LHFPL3: variants seen among roughly 807,000 people sequenced by gnomAD.
LHFPL3 encodes the protein LHFPL tetraspan subfamily member 3 protein.
In LHFPL3, 5 loss-of-function variants were observed where a neutral mutation model predicts 19.3. The ratio of observed to expected loss-of-function variants is 0.26; its 90% CI spans 0.14 to 0.54. The LOEUF is 0.54. Ranked by LOEUF, LHFPL3 falls within the 20% of genes least tolerant of loss-of-function variation. The probability of loss-of-function intolerance (pLI) is 0.94; values close to 1 mark genes in which losing one functional copy is unlikely to be tolerated. For missense variants in LHFPL3, 249 were observed against 307.4 expected, an observed-to-expected ratio of 0.81 and a Z score of 1.42; for synonymous variants, 133 against 126.2, an observed-to-expected ratio of 1.05 and a Z score of -0.36.
chr7:104,767,368 G>A (rs1406396021), intron 2 of LHFPL3, among the ~76,000 whole-genome samples: 1 of 152,192 alleles, frequency 6.6e-6, no homozygotes, highest in Non-Finnish European at 1.5e-5. Flanking sequence ...CTTCTGTCTT[G>A]GAGAGGACCT....
intron 1 of LHFPL3, among the ~76,000 whole-genome samples, chr7:104,383,491 A>G (rs996798324): frequency 1.3e-5 from 2 of 152,242 alleles, no homozygotes; most frequent in African/African-American, 4.8e-5. Flanking sequence ...CGGTTTAACA[A>G]GTTTTGCCCT....
intron 1 of LHFPL3, among the ~76,000 whole-genome samples, chr7:104,517,661 C>A (rs1234828209): frequency 1.3e-5 from 2 of 151,962 alleles, no homozygotes; most frequent in East Asian, 3.9e-4. Flanking sequence ...CGCCCACCAC[C>A]ATGCCAGGCT....
At chr7:104,881,707 C>A (rs180810548) in intron 2 of LHFPL3, among the ~76,000 whole-genome samples, 12 of 152,192 alleles carry the variant, frequency 7.9e-5, no homozygotes, top group Non-Finnish European at 1.3e-4. Flanking sequence ...TTTGAGAAGA[C>A]GCACTTCCAT....
chr7:104,687,495 C>G (rs559868113), intron 1 of LHFPL3, among the ~76,000 whole-genome samples: 20 of 152,350 alleles, frequency 1.3e-4, no homozygotes, highest in African/African-American at 4.3e-4. Flanking sequence ...TTCCAACTCT[C>G]TAATCATGCT....
intron 1 of LHFPL3, among the ~76,000 whole-genome samples, chr7:104,590,519 T>A (rs1177913817): frequency 2.0e-5 from 3 of 152,128 alleles, no homozygotes; most frequent in African/African-American, 7.2e-5. Flanking sequence ...TACTGAGGAG[T>A]GCTTTACTTC....
intron 1 of LHFPL3, among the ~76,000 whole-genome samples, chr7:104,551,953 C>A (rs900796112): frequency 6.6e-6 from 1 of 152,148 alleles, no homozygotes; most frequent in African/African-American, 2.4e-5. Flanking sequence ...CTAAAACTTT[C>A]AGTGTTGCGG....
intron 2 of LHFPL3, among the ~76,000 whole-genome samples, chr7:104,804,886 A>G (rs1021738603): frequency 2.6e-5 from 4 of 152,228 alleles, no homozygotes; most frequent in African/African-American, 9.6e-5. Flanking sequence ...AGAAACTGAG[A>G]TAACAAATGT....
chr7:104,498,743 G>A (rs971095624), intron 1 of LHFPL3, among the ~76,000 whole-genome samples: 1 of 152,140 alleles, frequency 6.6e-6, no homozygotes, highest in African/African-American at 2.4e-5. Flanking sequence ...CTTCCAAAGT[G>A]TTGGGATTAT....
At chr7:104,753,668 A>G (rs140031191) in intron 2 of LHFPL3, among the ~76,000 whole-genome samples, 2 of 152,266 alleles carry the variant, frequency 1.3e-5, no homozygotes, top group African/African-American at 4.8e-5. Flanking sequence ...TAGCCAATGT[A>G]TCTAGAATAA....
chr7:104,741,281 A>G (rs1193370869), intron 2 of LHFPL3, among the ~76,000 whole-genome samples: 12 of 152,176 alleles, frequency 7.9e-5, no homozygotes, highest in African/African-American at 2.9e-4. Flanking sequence ...TAAATTGTAA[A>G]GTGGGAAAAT....
chr7:104,600,452 C>T (rs1218118602), intron 1 of LHFPL3, among the ~76,000 whole-genome samples: 3 of 152,200 alleles, frequency 2.0e-5, no homozygotes, highest in Non-Finnish European at 4.4e-5. Context: ...AGAATCTTTA[C>T]TGTTCAATTT....
chr7:104,451,126 G>A (rs905471178), intron 1 of LHFPL3, among the ~76,000 whole-genome samples: 7 of 152,168 alleles, frequency 4.6e-5, no homozygotes, highest in South Asian at 2.1e-4. Context: ...AAAATGGAAC[G>A]GAAACTATAG....
intron 1 of LHFPL3, among the ~76,000 whole-genome samples, chr7:104,588,987 C>T (rs1455745775): frequency 6.6e-6 from 1 of 152,164 alleles, no homozygotes; most frequent in Non-Finnish European, 1.5e-5. Flanking sequence ...GCTGAAGTTG[C>T]TTATCAGCTT....
chr7:104,908,265 T>C lies in LHFPL3; in HGVS notation c.*2050T>C, dbSNP rs936031190. 1.3e-5 allele frequency among the ~76,000 whole-genome samples: 2 copies of C among 152,230 alleles called. No individual in the cohort carries two copies. Among genetic ancestry groups the C allele is most frequent in the African/African-American group, 4.8e-5 (2 of 41,466 alleles). ...TTAAAAAAGTTTTTGCCATAAAACCTAAGTGTAATTTAGCATACCACAGTG... is the reference window on the plus strand; with the variant it reads ...TTAAAAAAGTTTTTGCCATAAAACCCAAGTGTAATTTAGCATACCACAGTG... On this transcript the variant is annotated 3_prime_UTR_variant, in exon 3 of 3. Transcript: ENST00000424859.
chr7:104,348,851 G>A (rs536984106), intron 1 of LHFPL3, among the ~76,000 whole-genome samples: 1 of 152,184 alleles, frequency 6.6e-6, no homozygotes, highest in Non-Finnish European at 1.5e-5. Context: ...GACCTTGTGC[G>A]CGTCTTACCA....
chr7:104,569,906 C>G (rs1327349388), intron 1 of LHFPL3, among the ~76,000 whole-genome samples: 3 of 152,226 alleles, frequency 2.0e-5, no homozygotes, highest in Non-Finnish European at 4.4e-5. Context: ...ATACTATCCT[C>G]TCTCCACAAT....
rs556454550 is a variant in LHFPL3 at position 104,734,688 on chromosome 7, T to C, written c.446-1987T>C. On this transcript the variant is annotated intron_variant, in intron 1 of 2. Transcript: ENST00000424859. The stretch of plus-strand genomic sequence containing the variant: ...AACTTCCTCTTTAGCTCGGAGAAAT[T>C]TGATCATCTGAAGCCTTCTTCTCTC... Among the ~76,000 whole-genome samples, 25 of 152,320 alleles carry C rather than the reference T, an allele frequency of 1.6e-4. No homozygotes were observed. In the East Asian group the frequency reaches 4.2e-3, roughly 26 times the overall value.
intron 1 of LHFPL3, among the ~76,000 whole-genome samples, chr7:104,561,701 A>G (rs1790007404): frequency 6.6e-6 from 1 of 151,830 alleles, no homozygotes; most frequent in Non-Finnish European, 1.5e-5. Flanking sequence ...TAATATTGTT[A>G]TGTGTGAATT....
At chr7:104,544,579 T>C (rs780570288) in intron 1 of LHFPL3, among the ~76,000 whole-genome samples, 7 of 152,200 alleles carry the variant, frequency 4.6e-5, no homozygotes, top group Non-Finnish European at 8.8e-5. Flanking sequence ...GGACTTTTCA[T>C]TGAGCAGTGG....
Sources: gnomAD v4.1 joint callset for allele counts (sites outside exome capture counted in the v4.1 genomes callset) on GRCh38, gnomAD v4.1.1 for gene constraint, MANE v1.5 for transcripts, NCBI Gene and HGNC (gene_info 2026-07-23, HGNC 2026-07-21) for gene names.